The following CD99L2 variants were observed in gnomAD, a reference collection of about 807,000 sequenced individuals.
The protein encoded by CD99L2 is CD99 molecule like 2.
A neutral mutation model predicts 27.3 loss-of-function variants in CD99L2; 24 were observed. That is an observed-to-expected ratio of 0.88 (90% CI 0.64 to 1.24). The LOEUF (loss-of-function observed/expected upper bound fraction) is 1.24. CD99L2 is among the 50% of genes most tolerant of loss of function. The pLI is 0.00. For synonymous variants in CD99L2, 97 were observed against 87.9 expected (o/e 1.10, Z -0.58); for missense variants, 255 against 221.6 (o/e 1.15, Z -0.96).
intron 1 of CD99L2, among the ~76,000 whole-genome samples, chrX:150,845,725 G>A (rs1557421453): frequency 8.9e-6 from 1 of 111,887 alleles, no homozygotes; most frequent in East Asian, 2.8e-4. Flanking sequence ...TGTCATACCT[G>A]ATTACTCCTC....
chrX:150,803,697 G>T lies in CD99L2; in HGVS notation c.278-8211C>A, dbSNP rs150052132. On this transcript the variant is annotated intron_variant, in intron 4 of 10. Transcript: ENST00000370377. ...CATAGTCTTTTGAACAAACGGTGCT[G>T]GAGTAATTGGGCATCAATAGGTAAA... Among the ~76,000 whole-genome samples the T allele has an allele frequency of 7.6e-3, 844 of 111,759 alleles. 6 individuals carry two copies. The highest frequency in any genetic ancestry group is 0.026 in the African/African-American group (799 of 30,749).
At chrX:150,835,315 T>C (rs1557421166) in intron 1 of CD99L2, among the ~76,000 whole-genome samples, 1 of 112,443 alleles carries the variant, frequency 8.9e-6, no homozygotes, top group South Asian at 3.7e-4. Context: ...ACTACACACA[T>C]TGTACCCTAT....
At chrX:150,883,803 G>C (rs868907035) in intron 1 of CD99L2, among the ~76,000 whole-genome samples, 1 of 112,059 alleles carries the variant, frequency 8.9e-6, no homozygotes, top group Non-Finnish European at 1.9e-5. Flanking sequence ...ATGAGCCAAA[G>C]ACAACCAGGC....
intron 1 of CD99L2, among the ~76,000 whole-genome samples, chrX:150,857,149 A>G (rs1370196444): frequency 8.9e-6 from 1 of 111,931 alleles, no homozygotes; most frequent in African/African-American, 3.2e-5. Context: ...TTTACAAATT[A>G]TCATTATCTC....
At chrX:150,793,332 C>A (rs2045726134) in intron 7 of CD99L2, among the ~76,000 whole-genome samples, 1 of 112,614 alleles carries the variant, frequency 8.9e-6, no homozygotes, top group Non-Finnish European at 1.9e-5. Context: ...TTTGCTCCTC[C>A]CATCCCAAGA....
intron 1 of CD99L2, among the ~76,000 whole-genome samples, chrX:150,850,919 C>T (rs1326663297): frequency 9.0e-6 from 1 of 111,490 alleles, no homozygotes; most frequent in East Asian, 2.8e-4. Context: ...CTCACCGCAA[C>T]CTCTGCCTCC....
intron 4 of CD99L2, among the ~76,000 whole-genome samples, chrX:150,804,594 T>C (rs1384067037): frequency 9.0e-6 from 1 of 111,162 alleles, no homozygotes; most frequent in African/African-American, 3.3e-5. Flanking sequence ...AAACCCCATC[T>C]CTAGTAGAAA....
At chrX:150,778,652 ACCCTACAACT>A (rs2045450770) in intron 7 of CD99L2, among the ~76,000 whole-genome samples, 4 of 91,678 alleles carry the variant, frequency 4.4e-5, no homozygotes, top group African/African-American at 1.7e-4. Context: ...AGGGACATGT[ACCCTACAACT>A]TAAAGTATAA....
At chrX:150,888,794 G>A (rs1296922931) in intron 1 of CD99L2, among the ~76,000 whole-genome samples, 5 of 111,517 alleles carry the variant, frequency 4.5e-5, no homozygotes, top group African/African-American at 1.6e-4. Flanking sequence ...CCCCAGCTAA[G>A]CCCATCCTTT....
intron 1 of CD99L2, among the ~76,000 whole-genome samples, chrX:150,869,262 T>A (rs1197738981): frequency 9.0e-6 from 1 of 111,443 alleles, no homozygotes; most frequent in Non-Finnish European, 1.9e-5. Flanking sequence ...CATTGCCATC[T>A]GAGGAAATGG....
chrX:150,889,996 CA>C (rs1557422744), intron 1 of CD99L2, among the ~76,000 whole-genome samples: 2 of 109,002 alleles, frequency 1.8e-5, no homozygotes, highest in South Asian at 8.0e-4. Context: ...ACTAAAAATA[CA>C]AAAAAATTAG....
chrX:150,881,774 T>A (rs2047329199), intron 1 of CD99L2, among the ~76,000 whole-genome samples: 1 of 111,092 alleles, frequency 9.0e-6, no homozygotes, highest in African/African-American at 3.3e-5. Context: ...AATCCACATT[T>A]CCTTAATTGG....
At chrX:150,800,091 G>C (rs1457365786) in intron 4 of CD99L2, among the ~76,000 whole-genome samples, 2 of 112,365 alleles carry the variant, frequency 1.8e-5, no homozygotes, top group African/African-American at 3.2e-5. Flanking sequence ...GGATAAACCT[G>C]GAAAACATTA....
intron 1 of CD99L2, among the ~76,000 whole-genome samples, chrX:150,834,918 G>A (rs978852663): frequency 8.9e-6 from 1 of 112,302 alleles, no homozygotes; most frequent in Non-Finnish European, 1.9e-5. Flanking sequence ...TTAAAAAGAA[G>A]GAAATTCTGT....
chrX:150,792,991 C>A (rs1192657485), intron 7 of CD99L2, among the ~76,000 whole-genome samples: 3 of 110,990 alleles, frequency 2.7e-5, no homozygotes, highest in African/African-American at 9.8e-5. Flanking sequence ...ACAGTTCTGC[C>A]TGCTAATTAT....
At chrX:150,790,495 C>A (rs2045669437) in intron 7 of CD99L2, among the ~76,000 whole-genome samples, 1 of 111,113 alleles carries the variant, frequency 9.0e-6, no homozygotes, top group African/African-American at 3.3e-5. Context: ...AAGGAACCGA[C>A]CTAAGTAACT....
intron 2 of CD99L2, among the ~76,000 whole-genome samples, chrX:150,824,760 G>C (rs140529743): frequency 9.0e-6 from 1 of 111,504 alleles, no homozygotes; most frequent in African/African-American, 3.3e-5. Flanking sequence ...GCCACATTGG[G>C]AATTAAATTT....
chrX:150,797,524 T>C (rs2045816001), intron 4 of CD99L2, among the ~76,000 whole-genome samples: 1 of 112,425 alleles, frequency 8.9e-6, no homozygotes, highest in African/African-American at 3.2e-5. Context: ...ACAGATTCAA[T>C]GGAATCCCTA....
At chrX:150,860,836 T>C (rs1202938365) in intron 1 of CD99L2, among the ~76,000 whole-genome samples, 3 of 111,428 alleles carry the variant, frequency 2.7e-5, no homozygotes, top group Admixed American at 1.9e-4. Context: ...AGACATTCCA[T>C]GCTCATGGAC....
Sources: gnomAD v4.1 joint callset for allele counts (sites outside exome capture counted in the v4.1 genomes callset) on GRCh38, gnomAD v4.1.1 for gene constraint, MANE v1.5 for transcripts, NCBI Gene and HGNC (gene_info 2026-07-23, HGNC 2026-07-21) for gene names.